Variants in MSI2 observed in about 807,000 individuals in gnomAD.
MSI2 encodes the protein musashi RNA binding protein 2, also known as RNA-binding protein Musashi homolog 2.
A neutral mutation model predicts 45.6 loss-of-function variants in MSI2; 17 were observed. The ratio of observed to expected loss-of-function variants is 0.37; its 90% CI spans 0.26 to 0.56. The LOEUF is 0.56. MSI2 is among the 20% of genes least tolerant of loss of function. The pLI is 0.77. For missense variants in MSI2, 293 were observed against 444.2 expected (o/e 0.66, Z 3.06); for synonymous variants, 156 against 158.2 (o/e 0.99, Z 0.11).
chr17:57,588,294 A>T (rs1455047855), intron 7 of MSI2, among the ~76,000 whole-genome samples: 1 of 152,202 alleles, frequency 6.6e-6, no homozygotes, highest in Non-Finnish European at 1.5e-5. Context: ...GGTGCTGTGT[A>T]CAGCTCAGGT....
At chr17:57,499,860 T>G (rs2086063914) in intron 6 of MSI2, among the ~76,000 whole-genome samples, 1 of 152,246 alleles carries the variant, frequency 6.6e-6, no homozygotes, top group Non-Finnish European at 1.5e-5. Context: ...ATATCATGGC[T>G]GCCTCAGGCA....
At chr17:57,642,108 C>T (rs1429982810) in intron 10 of MSI2, among the ~76,000 whole-genome samples, 1 of 152,222 alleles carries the variant, frequency 6.6e-6, no homozygotes, top group Non-Finnish European at 1.5e-5. Flanking sequence ...CTCTCCAGGG[C>T]CTCTGAAGTC....
At chr17:57,687,379 A>G (rs1312617883), downstream of MSI2, among the ~76,000 whole-genome samples, 1 of 152,090 alleles carries the variant, frequency 6.6e-6, no homozygotes, top group African/African-American at 2.4e-5. Flanking sequence ...ATTTTTATAA[A>G]CAGTAATAAA....
At chr17:57,632,103 C>T in intron 10 of MSI2, 1 of 1,254,674 alleles carries the variant, frequency 8.0e-7, no homozygotes, top group Non-Finnish European at 1.0e-6. Flanking sequence ...TGTAACGGGG[C>T]CAGAGGGAAA....
At chr17:57,663,607 A>C (rs1912162941) in intron 11 of MSI2, among the ~76,000 whole-genome samples, 1 of 152,224 alleles carries the variant, frequency 6.6e-6, no homozygotes. Context: ...AGGTGGCGGC[A>C]GCGTCACCAT....
chr17:57,525,010 G>A (rs917250048), intron 6 of MSI2, among the ~76,000 whole-genome samples: 4 of 152,122 alleles, frequency 2.6e-5, no homozygotes, highest in Non-Finnish European at 4.4e-5. Context: ...TGAGGCCCCC[G>A]GGAGATCTGT....
At chr17:57,357,831 A>G (rs1225756703) in intron 5 of MSI2, among the ~76,000 whole-genome samples, 1 of 152,226 alleles carries the variant, frequency 6.6e-6, no homozygotes, top group Non-Finnish European at 1.5e-5. Flanking sequence ...TCCGATTAAT[A>G]CATTAATCTT....
At chr17:57,556,266 C>A (rs2087433414) in intron 7 of MSI2, among the ~76,000 whole-genome samples, 1 of 152,126 alleles carries the variant, frequency 6.6e-6, no homozygotes, top group South Asian at 2.1e-4. Flanking sequence ...CTGGCTTGCT[C>A]GCTTTTCCCC....
rs1029886725 is a variant in MSI2 at position 57,557,427 on chromosome 17, G to A, written c.454+27703G>A. Among the ~76,000 whole-genome samples the A allele has an allele frequency of 1.1e-3, 168 of 152,302 alleles. 1 individual carries two copies. Among genetic ancestry groups the A allele is most frequent in the Middle Eastern group, 6.8e-3 (2 of 294 alleles). ...CCCAGGGGCCAAAGCCCCCTTTCCC[G>A]CTCCTGCCAGACTCTCATGCATAAC... On this transcript the variant is annotated intron_variant, in intron 7 of 13. Coordinates refer to ENST00000284073, the MANE Select transcript of MSI2 (RefSeq NM_138962.4).
intron 6 of MSI2, among the ~76,000 whole-genome samples, chr17:57,526,591 A>T (rs1287919195): frequency 6.6e-6 from 1 of 152,016 alleles, no homozygotes; most frequent in Non-Finnish European, 1.5e-5. Flanking sequence ...TGTGTTTTTC[A>T]TTCTATTCAG....
intron 5 of MSI2, among the ~76,000 whole-genome samples, chr17:57,365,360 C>T (rs1319544112): frequency 1.3e-5 from 2 of 152,162 alleles, no homozygotes; most frequent in African/African-American, 4.8e-5. Flanking sequence ...GTTTGTTCTA[C>T]CAACAAATAT....
At chr17:57,546,494 A>T (rs1422286846) in intron 7 of MSI2, among the ~76,000 whole-genome samples, 1 of 152,236 alleles carries the variant, frequency 6.6e-6, no homozygotes, top group Non-Finnish European at 1.5e-5. Flanking sequence ...TAGGGTAAAA[A>T]ATACACCAGA....
intron 11 of MSI2, among the ~76,000 whole-genome samples, chr17:57,664,518 A>G (rs1288219307): frequency 7.9e-5 from 12 of 152,106 alleles, no homozygotes; most frequent in Non-Finnish European, 7.4e-5. Context: ...ACTCCCTCTC[A>G]AAAAAGGGGA....
At chr17:57,651,955 C>G (rs1454337019) in intron 10 of MSI2, 144 bp from the exon 11 acceptor site, 1 of 697,900 alleles carries the variant, frequency 1.4e-6, no homozygotes, top group South Asian at 1.7e-5. Flanking sequence ...ACTCTGTGTC[C>G]CTCTCAAAAG....
intron 13 of MSI2, among the ~76,000 whole-genome samples, chr17:57,678,906 C>T (rs1913428302): frequency 1.3e-5 from 2 of 152,258 alleles, no homozygotes; most frequent in South Asian, 4.1e-4. Flanking sequence ...GCGCCATCCA[C>T]AAAAGAGGAG....
intron 5 of MSI2, among the ~76,000 whole-genome samples, chr17:57,295,314 G>T (rs1376435606): frequency 6.6e-6 from 1 of 152,088 alleles, no homozygotes; most frequent in Non-Finnish European, 1.5e-5. Flanking sequence ...GCAAGGAGGG[G>T]AGCTAGAAGG....
At chr17:57,440,856 G>A (rs1339232309) in intron 6 of MSI2, 1 of 152,164 alleles carries the variant, frequency 6.6e-6, no homozygotes, top group East Asian at 1.9e-4. Flanking sequence ...TTAAGCCACA[G>A]AAACGTTTGA....
chr17:57,343,999 T>G (rs1915390042), intron 5 of MSI2, among the ~76,000 whole-genome samples: 1 of 152,194 alleles, frequency 6.6e-6, no homozygotes, highest in Admixed American at 6.5e-5. Context: ...GGTCAAGGTG[T>G]TGTTAGATTT....
intron 5 of MSI2, among the ~76,000 whole-genome samples, chr17:57,336,656 T>C (rs1277665555): frequency 6.6e-6 from 1 of 152,218 alleles, no homozygotes. Context: ...CATTTCATTC[T>C]TGAAAAAGGT....
Sources: gnomAD v4.1 joint callset for allele counts (sites outside exome capture counted in the v4.1 genomes callset) on GRCh38, gnomAD v4.1.1 for gene constraint, MANE v1.5 for transcripts, NCBI Gene and HGNC (gene_info 2026-07-23, HGNC 2026-07-21) for gene names.